PCDHGB7: variants seen among roughly 807,000 people sequenced by gnomAD.
PCDHGB7 encodes the protein protocadherin gamma-B7.
Under a neutral mutation model 61.4 loss-of-function variants are expected in PCDHGB7, and 37 were observed. The observed-to-expected ratio is 0.60, with a 90% CI of 0.46 to 0.79. The LOEUF is 0.79. Ranked by LOEUF, PCDHGB7 falls within the 30% of genes least tolerant of loss-of-function variation. The pLI is 0.00. For synonymous variants in PCDHGB7, 464 were observed against 503.5 expected, an observed-to-expected ratio of 0.92 and a Z score of 1.05; for missense variants, 1,166 against 1,202.5, an observed-to-expected ratio of 0.97 and a Z score of 0.45.
Position 141,422,444 on chromosome 5 carries a change from T to TA in PCDHGB7, c.2415+2172dup, listed in dbSNP as rs1171104340. 1.9e-6 allele frequency: 3 copies of TA among 1,610,490 alleles called. No homozygotes were observed. The Admixed American group carries it at 5.1e-5, about 27-fold the overall frequency. ...ACTTATGGAAATTATTACAAATTGA[T>TA]AACAAGCAGAGTGCTGGACAGGGAG... On this transcript the variant is annotated intron_variant, in intron 1 of 3. Coordinates refer to ENST00000398594, the MANE Select transcript of PCDHGB7 (RefSeq NM_018927.4).
At chr5:141,474,803 T>C (rs1383027398) in intron 1 of PCDHGB7, among the ~76,000 whole-genome samples, 1 of 152,250 alleles carries the variant, frequency 6.6e-6, no homozygotes, top group Non-Finnish European at 1.5e-5. Context: ...ATGGAGTGGT[T>C]TGCATCATTA....
intron 1 of PCDHGB7, among the ~76,000 whole-genome samples, chr5:141,472,224 A>G (rs570743680): frequency 1.4e-4 from 21 of 152,330 alleles, no homozygotes; most frequent in African/African-American, 4.1e-4. Context: ...TCTCGATCAT[A>G]TAATACATTC....
intron 1 of PCDHGB7, chr5:141,430,546 G>A (rs1323295073): frequency 2.5e-6 from 1 of 402,156 alleles, no homozygotes; most frequent in Non-Finnish European, 4.4e-6. Context: ...GAGCGCCGCT[G>A]TTCACCAATC....
At chr5:141,467,117 A>G (rs62379198) in intron 1 of PCDHGB7, among the ~76,000 whole-genome samples, 35,587 of 150,646 alleles carry the variant, frequency 0.24, 4,364 homozygotes, top group Admixed American at 0.32. Flanking sequence ...CAATGGTGCA[A>G]TCTCAGCTCA....
rs766474451 is a variant in PCDHGB7 at position 141,477,676 on chromosome 5, AT to A, written c.2416-17130del. On this transcript the variant is annotated intron_variant, in intron 1 of 3. Coordinates refer to ENST00000398594, the MANE Select transcript of PCDHGB7 (RefSeq NM_018927.4). This position sits in a 1 kb window ranked among gnomAD's most constrained non-coding sequence, Gnocchi z 4.9. ...TAAATCGTGACAATGGCATAGTGTCATCCTTAGTGCCCCTAGACTATGAGGA... is the reference window on the plus strand; with the variant it reads ...TAAATCGTGACAATGGCATAGTGTCACCTTAGTGCCCCTAGACTATGAGGA... 6.2e-7 allele frequency: 1 copy of A among 1,614,194 alleles called. No homozygotes were observed. The highest frequency in any genetic ancestry group is 2.2e-5 in the East Asian group (1 of 44,886).
intron 1 of PCDHGB7, among the ~76,000 whole-genome samples, chr5:141,442,612 A>C (rs1180568407): frequency 6.6e-6 from 1 of 152,212 alleles, no homozygotes; most frequent in Non-Finnish European, 1.5e-5. Flanking sequence ...ATCTCAGTAA[A>C]AAGCATTTCT....
chr5:141,438,595 T>TAC (rs2098000070), intron 1 of PCDHGB7, among the ~76,000 whole-genome samples: 6 of 58,022 alleles, frequency 1.0e-4, no homozygotes, highest in African/African-American at 1.8e-4. Context: ...TACATACATA[T>TAC]ATATATATAT....
At chr5:141,497,354 A>G (rs1430368474) in intron 2 of PCDHGB7, among the ~76,000 whole-genome samples, 1 of 152,054 alleles carries the variant, frequency 6.6e-6, no homozygotes, top group Non-Finnish European at 1.5e-5. Flanking sequence ...AGCCCCACCA[A>G]CTGCCTCTCA....
chr5:141,439,364 G>A (rs1561894836), intron 1 of PCDHGB7, among the ~76,000 whole-genome samples: 2 of 152,142 alleles, frequency 1.3e-5, no homozygotes, highest in Admixed American at 1.3e-4. Context: ...CAAACATCAA[G>A]AAGAAATAAA....
chr5:141,476,053 A>G lies in PCDHGB7; in HGVS notation c.2416-18754A>G. 2 of 1,501,944 alleles carry G rather than the reference A, an allele frequency of 1.3e-6. No homozygotes were observed. Among genetic ancestry groups the G allele is most frequent in the Non-Finnish European group, 1.8e-6 (2 of 1,131,392 alleles). 93.0% of individuals were successfully genotyped at this position (1,501,944 alleles called of 1,614,324 possible). ...CAGCGCCCAAGCGCTAACCCGCTGA[A>G]AGTTTCTCAGCGAAATCTCAGGGAC... On this transcript the variant is annotated intron_variant, in intron 1 of 3. Coordinates refer to ENST00000398594, the MANE Select transcript of PCDHGB7 (RefSeq NM_018927.4). The surrounding 1 kb of genome is among the most constrained non-coding windows in gnomAD (Gnocchi z 7.6).
In PCDHGB7 at chr5:141,432,172, C is replaced by G. The variant is rs562175068; in HGVS notation, c.2415+11898C>G. On this transcript the variant is annotated intron_variant, in intron 1 of 3. Transcript: ENST00000398594. This position sits in a 1 kb window ranked among gnomAD's most constrained non-coding sequence, Gnocchi z 6.0. ...AGAACAATCCCAGAGGAGTTTCCCTCGTCTCTGTGACCGCCCACGACCCCG... is the reference window on the plus strand; with the variant it reads ...AGAACAATCCCAGAGGAGTTTCCCTGGTCTCTGTGACCGCCCACGACCCCG... 9 of 1,614,034 alleles carry G rather than the reference C, an allele frequency of 5.6e-6. No homozygotes were observed. The highest frequency in any genetic ancestry group is 7.6e-6 in the Non-Finnish European group (9 of 1,180,046).
intron 1 of PCDHGB7, among the ~76,000 whole-genome samples, chr5:141,452,253 T>G (rs2098736880): frequency 6.6e-6 from 1 of 152,166 alleles, no homozygotes; most frequent in Admixed American, 6.5e-5. Context: ...TTGCCATAAC[T>G]CTCTCATTTT....
intron 1 of PCDHGB7, chr5:141,492,005 C>A (rs1444993907): frequency 3.1e-6 from 2 of 642,268 alleles, no homozygotes; most frequent in African/African-American, 3.8e-5. Flanking sequence ...GGGCGATTTC[C>A]GCGGGTGTCG....
chr5:141,456,324 G>T (rs757059960), intron 1 of PCDHGB7, among the ~76,000 whole-genome samples: 15 of 152,166 alleles, frequency 9.9e-5, no homozygotes, highest in Non-Finnish European at 2.9e-5. Context: ...TCCTCCTGGG[G>T]TTGATCTAAG....
chr5:141,510,251 C>G (rs569804850), intron 3 of PCDHGB7, among the ~76,000 whole-genome samples: 1 of 144,724 alleles, frequency 6.9e-6, no homozygotes, highest in African/African-American at 2.6e-5. Flanking sequence ...CCAGGCTGGG[C>G]GACAGAGCAG....
chr5:141,432,096 A>G lies in PCDHGB7; in HGVS notation c.2415+11822A>G, dbSNP rs763154183. On this transcript the variant is annotated intron_variant, in intron 1 of 3. Transcript: ENST00000398594. This position sits in a 1 kb window ranked among gnomAD's most constrained non-coding sequence, Gnocchi z 6.0. Reference sequence around the variant, plus strand: ...ATCTCGCTGAACGTGGCAGACACCAACGACAACCCGCCGGTCTTCCCTCAG... The same window carrying G: ...ATCTCGCTGAACGTGGCAGACACCAGCGACAACCCGCCGGTCTTCCCTCAG... The G allele has an allele frequency of 1.9e-6, 3 of 1,613,944 alleles. No homozygotes were observed. Among genetic ancestry groups the G allele is most frequent in the East Asian group, 2.2e-5 (1 of 44,870 alleles).
At chr5:141,427,187 C>T (rs1318380362) in intron 1 of PCDHGB7, 1 of 456,574 alleles carries the variant, frequency 2.2e-6, no homozygotes, top group Middle Eastern at 3.3e-4. Flanking sequence ...AAATTAAATC[C>T]AAAGACTTAA....
chr5:141,493,656 T>C lies in PCDHGB7; in HGVS notation c.2416-1151T>C, dbSNP rs1481871984. Among the ~76,000 whole-genome samples, 1 of 152,184 alleles carries C rather than the reference T, an allele frequency of 6.6e-6. No homozygotes were observed. Among genetic ancestry groups the C allele is most frequent in the African/African-American group, 2.4e-5 (1 of 41,454 alleles). ...CTGAGGGCTGGCCATCCCTGTGCCC[T>C]TCTCCATGGCAGCCCCAGAATGGTG... On this transcript the variant is annotated intron_variant, in intron 1 of 3. Coordinates refer to ENST00000398594, the MANE Select transcript of PCDHGB7 (RefSeq NM_018927.4). The surrounding 1 kb of genome is among the most constrained non-coding windows in gnomAD (Gnocchi z 4.3).
intron 1 of PCDHGB7, among the ~76,000 whole-genome samples, chr5:141,492,798 C>T (rs1219815576): frequency 6.6e-6 from 1 of 152,250 alleles, no homozygotes; most frequent in Non-Finnish European, 1.5e-5. Flanking sequence ...GACAGCAGGA[C>T]TGGGACTCCA....
Sources: allele counts gnomAD v4.1 joint callset (sites outside exome capture counted in the v4.1 genomes callset), GRCh38; gene constraint gnomAD v4.1.1; non-coding constraint Gnocchi (gnomAD v3.1); transcripts MANE v1.5; gene names NCBI Gene and HGNC (gene_info 2026-07-23, HGNC 2026-07-21).